The following P3H1 variants were observed in gnomAD, a reference collection of about 807,000 sequenced individuals.
P3H1 encodes growth suppressor 1.
P3H1 carries 69 observed loss-of-function variants against 84.0 expected under a neutral mutation model. That is an observed-to-expected ratio of 0.82 (90% CI 0.68 to 1.00). The LOEUF is 1.00. Among genes scored for constraint, P3H1 ranks in the 50% least tolerant of loss-of-function variants. The pLI is 0.00. For synonymous variants in P3H1, 366 were observed against 388.8 expected (o/e 0.94, Z 0.69); for missense variants, 878 against 962.8 (o/e 0.91, Z 1.17).
chr1:42,756,579 C>T (rs1400590051), intron 5 of P3H1: 1 of 154,366 alleles, frequency 6.5e-6, no homozygotes, highest in African/African-American at 2.4e-5. Flanking sequence ...ACTATATTTA[C>T]CTAAGAGGAA....
chr1:42,752,236 C>T (rs929580011), intron 10 of P3H1, 38 bp downstream of exon 10: 2 of 1,555,180 alleles, frequency 1.3e-6, no homozygotes, highest in Non-Finnish European at 1.8e-6. Context: ...TTCCCCACCC[C>T]TTTCTCCACA....
intron 10 of P3H1, among the ~76,000 whole-genome samples, chr1:42,751,412 C>G (rs1401162598): frequency 1.7e-5 from 2 of 120,166 alleles, no homozygotes; most frequent in Non-Finnish European, 3.4e-5. Context: ...ATCTTAAGTA[C>G]CCAGGGACAC....
In P3H1 at chr1:42,755,683, T is replaced by G. The variant is rs1417656341; in HGVS notation, c.1081-46A>C. 2.7e-6 allele frequency: 4 copies of G among 1,494,842 alleles called. No homozygotes were observed. The African/African-American group carries it at 4.1e-5, about 15-fold the overall frequency. The allele number at this position is 1,494,842 out of a possible 1,614,324, so 92.6% of individuals were successfully genotyped here. A position where few individuals can be genotyped will look rare whatever the true frequency, so the allele number is the denominator to read the frequency against. ...AAATCCCCCAGAACTCAGCCCTGTC[T>G]TTTAACCTCTGGGAGTTCCCCTCCC... On this transcript the variant is annotated intron_variant, in intron 5 of 14. Transcript: ENST00000296388.
chr1:42,752,413 A>T (rs1652155958), intron 9 of P3H1, 44 bp from the exon 10 acceptor site: 1 of 1,610,698 alleles, frequency 6.2e-7, no homozygotes, highest in Non-Finnish European at 8.5e-7. Context: ...AGGGCAGCTG[A>T]GGGCTTGAGA....
chr1:42,757,204 G>A (rs570585590), intron 5 of P3H1, among the ~76,000 whole-genome samples: 1 of 152,178 alleles, frequency 6.6e-6, no homozygotes, highest in Non-Finnish European at 1.5e-5. Context: ...ACACAGGAGG[G>A]GCAGCAAGAG....
intron 11 of P3H1, 93 bp downstream of exon 11, chr1:42,750,093 G>T: frequency 6.9e-7 from 1 of 1,440,494 alleles, no homozygotes; most frequent in Non-Finnish European, 9.5e-7. Flanking sequence ...GAAGAAAAGG[G>T]ACCGCATCCT....
intron 10 of P3H1, among the ~76,000 whole-genome samples, chr1:42,751,194 A>G (rs1007028948): frequency 1.6e-5 from 2 of 128,462 alleles, no homozygotes; most frequent in African/African-American, 6.0e-5. Context: ...AGAAGTAGAC[A>G]TGGGAGACTT....
At position 42,759,407 on chromosome 1, in the gene P3H1, G is replaced by T; in HGVS notation, c.619-17C>A. 1 of 1,611,740 alleles carries T rather than the reference G, an allele frequency of 6.2e-7. No individual in the cohort carries two copies. On this transcript the variant is annotated splice_polypyrimidine_tract_variant and intron_variant, in intron 2 of 14. Transcript: ENST00000296388. ...AAATTCTTGCTACTGGGAAGAAGGA[G>T]CACTCAAATGCAGGCCACAGAGGAG...
Position 42,766,843 on chromosome 1 carries a change from G to A in P3H1, c.129C>T (p.Thr43=), listed in dbSNP as rs1653036864. 6.2e-7 allele frequency: 1 copy of A among 1,605,416 alleles called. No homozygotes were observed. The highest frequency in any genetic ancestry group is 8.5e-7 in the Non-Finnish European group (1 of 1,179,766). The change falls in exon 1 of 15, where the codon ACC becomes ACT. Residue 43 remains threonine, a synonymous_variant. Coordinates refer to ENST00000296388, the MANE Select transcript of P3H1 (RefSeq NM_022356.4). ...GCCAGTCCCCGCGCGCGTAGGCTGCGGTCCCCTCGGCGAAGAGCAGATCAG... is the reference window on the plus strand; with the variant it reads ...GCCAGTCCCCGCGCGCGTAGGCTGCAGTCCCCTCGGCGAAGAGCAGATCAG... The part of the protein sequence containing the change: ...VTPDLLFAEG[T]AAYARGDWPG...
chr1:42,746,759 G>T lies in P3H1; in HGVS notation c.2149C>A (p.Pro717Thr). 1 of 1,555,994 alleles carries T rather than the reference G, an allele frequency of 6.4e-7. No homozygotes were observed. The highest frequency in any genetic ancestry group is 8.7e-7 in the Non-Finnish European group (1 of 1,149,438). The change falls in exon 15 of 15, where the codon CCC (proline) becomes ACC (threonine). Residue 717 changes from proline (P) to threonine (T), a missense_variant. Coordinates refer to ENST00000296388, the MANE Select transcript of P3H1 (RefSeq NM_022356.4). ...QEQPLDAQQG[P>T]PEPAQESLSG... ...AGAGACTCTTGTGCAGGTTCGGGGG[G>T]GCCCTGCTGGGCATCCAGGGGCTGC...
chr1:42,747,502 C>G, intron 13 of P3H1, 90 bp from the exon 14 acceptor site: 2 of 1,325,988 alleles, frequency 1.5e-6, no homozygotes, highest in Admixed American at 1.8e-5. Flanking sequence ...GGCTCACGAC[C>G]GAGGGCAGCT....
chr1:42,758,893 AG>A lies in P3H1; in HGVS notation c.898del (p.Leu300SerfsTer37). ...PSREKPFEDF[L>X]PSHYNYLQFA... Reference sequence around the variant, plus strand: ...CTGCAGATAATTATAATGCGATGGGAGGAAGTCTTCAAAGGGCTTCTCTCGA... The same window carrying A: ...CTGCAGATAATTATAATGCGATGGGAGAAGTCTTCAAAGGGCTTCTCTCGA... On this transcript the variant is annotated frameshift_variant, in exon 4 of 15. Transcript: ENST00000296388. LOFTEE classifies it high-confidence loss of function. The A allele has an allele frequency of 1.2e-6, 2 of 1,614,190 alleles. No homozygotes were observed. Among genetic ancestry groups the A allele is most frequent in the Non-Finnish European group, 1.7e-6 (2 of 1,180,012 alleles).
intron 1 of P3H1, among the ~76,000 whole-genome samples, chr1:42,763,423 G>A (rs1652820636): frequency 6.6e-6 from 1 of 151,904 alleles, no homozygotes; most frequent in Non-Finnish European, 1.5e-5. Flanking sequence ...TGTAATCCCA[G>A]CACTTTGGGA....
chr1:42,763,351 T>G (rs945414119), intron 1 of P3H1, among the ~76,000 whole-genome samples: 6 of 151,928 alleles, frequency 3.9e-5, no homozygotes, highest in Admixed American at 1.3e-4. Context: ...TCAGGGCTCA[T>G]GAGGTTCAAA....
At chr1:42,747,899 T>C in intron 12 of P3H1, 101 bp from the exon 13 acceptor site, 1 of 1,137,478 alleles carries the variant, frequency 8.8e-7, no homozygotes, top group Non-Finnish European at 1.3e-6. Flanking sequence ...AGGGTGGCTT[T>C]GTGTGGGAGG....
chr1:42,764,163 G>A (rs1261699431), intron 1 of P3H1, among the ~76,000 whole-genome samples: 5 of 151,976 alleles, frequency 3.3e-5, no homozygotes, highest in African/African-American at 7.3e-5. Flanking sequence ...GGTGGCTCAC[G>A]CCTGTAATCC....
At position 42,755,398 on chromosome 1, in the gene P3H1, T is replaced by G; in HGVS notation, c.1170+150A>C. 4 of 928,978 alleles carry G rather than the reference T, an allele frequency of 4.3e-6. No individual in the cohort carries two copies. The Admixed American group carries it at 5.6e-5, about 13-fold the overall frequency. 57.5% of individuals were successfully genotyped at this position (928,978 alleles called of 1,614,324 possible). A position where few individuals can be genotyped will look rare whatever the true frequency, so the allele number is the denominator to read the frequency against. ...AGCTGCCCAGTGTTCCCCTTTCATC[T>G]GTCTCTCATCCCTGCCTTGCACAGA... On this transcript the variant is annotated intron_variant, in intron 6 of 14. Coordinates refer to ENST00000296388, the MANE Select transcript of P3H1 (RefSeq NM_022356.4).
At chr1:42,752,183 C>T (rs916020650) in intron 10 of P3H1, 91 bp downstream of exon 10, 42 of 1,091,506 alleles carry the variant, frequency 3.8e-5, no homozygotes, top group Non-Finnish European at 5.6e-5. Flanking sequence ...TTCACCTTTC[C>T]TGCCACCAGC....
Position 42,747,356 on chromosome 1 carries a change from G to C in P3H1, c.1971C>G (p.Asn657Lys). The change falls in exon 14 of 15, where the codon AAC becomes AAG. Residue 657 changes from asparagine to lysine, a missense_variant. Physicochemically the swap from Asn to Lys is moderately conservative, Grantham distance 94. Coordinates refer to ENST00000296388, the MANE Select transcript of P3H1 (RefSeq NM_022356.4). The stretch of plus-strand genomic sequence containing the variant: ...TGGTGACAGCCTTCACTCCATGTGG[G>C]TTTTCAGTGCCTGAAGAGAATCCCA... ...RAVGFSSGTE[N>K]PHGVKAVTRG... 1 of 1,610,340 alleles carries C rather than the reference G, an allele frequency of 6.2e-7. No individual in the cohort carries two copies. The highest frequency in any genetic ancestry group is 1.1e-5 in the South Asian group (1 of 90,694).
Sources: gnomAD v4.1 joint callset for allele counts (sites outside exome capture counted in the v4.1 genomes callset) on GRCh38, gnomAD v4.1.1 for gene constraint, MANE v1.5 for transcripts, NCBI Gene and HGNC (gene_info 2026-07-23, HGNC 2026-07-21) for gene names.